The following RIT2 variants were observed in gnomAD, a reference collection of about 807,000 sequenced individuals.
RIT2 encodes GTP-binding protein Rit2.
RIT2 carries 24 observed loss-of-function variants against 23.7 expected under a neutral mutation model. The ratio of observed to expected loss-of-function variants is 1.01; its 90% confidence interval spans 0.73 to 1.43. RIT2 has a LOEUF of 1.43. RIT2 is among the 40% of genes most tolerant of loss of function. The pLI, the probability that RIT2 is intolerant of heterozygous loss-of-function variation, is 0.00. For synonymous variants in RIT2, 107 were observed against 91.1 expected (o/e 1.17, Z -0.99); for missense variants, 236 against 266.9 (o/e 0.88, Z 0.81).
chr18:42,813,015 C>T (rs562208487), intron 4 of RIT2, among the ~76,000 whole-genome samples: 1 of 152,150 alleles, frequency 6.6e-6, no homozygotes, highest in South Asian at 2.1e-4. Context: ...ATATTAGATC[C>T]TAAAGTTAGG....
At chr18:42,905,630 G>T (rs754588579) in intron 4 of RIT2, among the ~76,000 whole-genome samples, 20 of 152,032 alleles carry the variant, frequency 1.3e-4, no homozygotes, top group Non-Finnish European at 2.6e-4. Flanking sequence ...CCACCACCAT[G>T]CCTGGCTAAT....
intron 3 of RIT2, among the ~76,000 whole-genome samples, chr18:42,951,591 AG>A (rs1226974732): frequency 1.4e-5 from 2 of 145,106 alleles, no homozygotes; most frequent in African/African-American, 5.5e-5. Flanking sequence ...AAGTTAAAAA[AG>A]AAAAAAATAT....
chr18:42,832,492 A>G (rs1184975254), intron 4 of RIT2, among the ~76,000 whole-genome samples: 1 of 152,144 alleles, frequency 6.6e-6, no homozygotes, highest in African/African-American at 2.4e-5. Context: ...CACCTAGTAA[A>G]TAATTCTGTA....
At chr18:42,759,756 TACGG>T (rs1253033962) in intron 4 of RIT2, among the ~76,000 whole-genome samples, 12 of 95,564 alleles carry the variant, frequency 1.3e-4, no homozygotes, top group Admixed American at 9.4e-4. Context: ...CACACACACA[TACGG>T]ATATATATAT....
In RIT2 at chr18:42,840,433, G is replaced by A. The variant is rs1487411231; in HGVS notation, c.426+83139C>T. Among the ~76,000 whole-genome samples, 6 of 152,318 alleles carry A rather than the reference G, an allele frequency of 3.9e-5. No individual in the cohort carries two copies. The South Asian group carries it at 1.2e-3, about 32-fold the overall frequency. On this transcript the variant is annotated intron_variant, in intron 4 of 4. Coordinates refer to ENST00000326695, the MANE Select transcript of RIT2 (RefSeq NM_002930.4). Reference sequence around the variant, plus strand: ...TATGGCAATACTTACTGTATGCCAAGAACTTACTGTATGGCAATAGTTAGA... The same window carrying A: ...TATGGCAATACTTACTGTATGCCAAAAACTTACTGTATGGCAATAGTTAGA...
chr18:42,833,923 G>A (rs1202401701), intron 4 of RIT2, among the ~76,000 whole-genome samples: 1 of 152,110 alleles, frequency 6.6e-6, no homozygotes, highest in Admixed American at 6.6e-5. Flanking sequence ...TGTGAAGAGG[G>A]GAAGGGAGAA....
At chr18:42,840,664 G>C (rs745367785) in intron 4 of RIT2, among the ~76,000 whole-genome samples, 1 of 152,102 alleles carries the variant, frequency 6.6e-6, no homozygotes, top group African/African-American at 2.4e-5. Context: ...ACCATGCCTG[G>C]CTAATTTTGT....
At chr18:43,010,181 C>T (rs538451850) in intron 2 of RIT2, among the ~76,000 whole-genome samples, 1 of 151,944 alleles carries the variant, frequency 6.6e-6, no homozygotes, top group South Asian at 2.1e-4. Flanking sequence ...CCACAGTCTT[C>T]ATCCTCAGCC....
rs80045776 is a variant in RIT2, at chr18:43,044,052, A to T, written c.104-10185T>A. On this transcript the variant is annotated intron_variant, in intron 1 of 4. Transcript: ENST00000326695. ...CAAGCTGCTGAGCACGGAGAATAAGACTGAGATAACCACCAACCTGGAATG... is the reference window on the plus strand; with the variant it reads ...CAAGCTGCTGAGCACGGAGAATAAGTCTGAGATAACCACCAACCTGGAATG... Among the ~76,000 whole-genome samples, 686 of 152,294 alleles carry T rather than the reference A, an allele frequency of 4.5e-3. 6 individuals carry two copies. Among genetic ancestry groups the T allele is most frequent in the African/African-American group, 0.016 (656 of 41,562 alleles).
In RIT2 at chr18:43,033,845, A is replaced by T; in HGVS notation, c.126T>A (p.Ser42Arg). ...GGTCATGATAATCAGGGAACTGATG[A>T]CTAATAAACTGCATTGTCATTGCTG... ...GKSAMTMQFI[S>R]HQFPDYHDPT... The change falls in exon 2 of 5, where the codon AGT (serine) becomes AGA (arginine). Residue 42 changes from serine to arginine, a missense_variant. By Grantham distance (110) the Ser-to-Arg change is moderately radical. Coordinates refer to ENST00000326695, the MANE Select transcript of RIT2 (RefSeq NM_002930.4). 1 of 1,608,490 alleles carries T rather than the reference A, an allele frequency of 6.2e-7. No individual in the cohort carries two copies. The highest frequency in any genetic ancestry group is 8.5e-7 in the Non-Finnish European group (1 of 1,176,046).
intron 2 of RIT2, among the ~76,000 whole-genome samples, chr18:43,027,401 T>A (rs1271657591): frequency 6.6e-6 from 1 of 152,052 alleles, no homozygotes; most frequent in African/African-American, 2.4e-5. Context: ...AAGAAAATAT[T>A]GTTTTGAGCA....
intron 1 of RIT2, among the ~76,000 whole-genome samples, chr18:43,081,013 C>G (rs1913145705): frequency 6.6e-6 from 1 of 152,134 alleles, no homozygotes; most frequent in South Asian, 2.1e-4. Flanking sequence ...CTAAATGAAC[C>G]TGAAAGTTTC....
At chr18:43,098,520 CAGTCTT>C (rs1033321671) in intron 1 of RIT2, among the ~76,000 whole-genome samples, 61 of 152,008 alleles carry the variant, frequency 4.0e-4, no homozygotes, top group African/African-American at 1.5e-3. Context: ...AAAGTCATCT[CAGTCTT>C]AGAGAAAAAT....
At chr18:42,903,269 C>T (rs1598707656) in intron 4 of RIT2, among the ~76,000 whole-genome samples, 1 of 151,818 alleles carries the variant, frequency 6.6e-6, no homozygotes, top group African/African-American at 2.4e-5. Flanking sequence ...TAAGAGAAAA[C>T]AGGTTAATAG....
At chr18:42,933,520 T>C (rs1162129867) in intron 3 of RIT2, among the ~76,000 whole-genome samples, 1 of 152,154 alleles carries the variant, frequency 6.6e-6, no homozygotes, top group Non-Finnish European at 1.5e-5. Flanking sequence ...GGCGGTTACC[T>C]CCATGCTGTT....
intron 4 of RIT2, chr18:42,923,338 C>A (rs1464821981): frequency 2.0e-6 from 1 of 489,468 alleles, no homozygotes; most frequent in Non-Finnish European, 3.6e-6. Context: ...GTATACAATC[C>A]CAGATCCTAG....
intron 2 of RIT2, among the ~76,000 whole-genome samples, chr18:42,975,837 C>A (rs988872967): frequency 2.0e-5 from 3 of 151,998 alleles, no homozygotes; most frequent in African/African-American, 4.8e-5. Context: ...AGTGGGAGAT[C>A]TCCTATTCTG....
At chr18:42,841,453 A>G (rs183351402) in intron 4 of RIT2, among the ~76,000 whole-genome samples, 1 of 152,300 alleles carries the variant, frequency 6.6e-6, no homozygotes, top group East Asian at 1.9e-4. Context: ...GTGAAATTCA[A>G]TTTCTAGAAA....
intron 2 of RIT2, among the ~76,000 whole-genome samples, chr18:42,979,630 G>A (rs1044698319): frequency 2.6e-5 from 4 of 152,076 alleles, no homozygotes; most frequent in African/African-American, 4.8e-5. Flanking sequence ...ATCTTGCAAC[G>A]TACTGTGCTG....
Sources: gnomAD v4.1 joint callset for allele counts (sites outside exome capture counted in the v4.1 genomes callset) on GRCh38, gnomAD v4.1.1 for gene constraint, MANE v1.5 for transcripts, NCBI Gene and HGNC (gene_info 2026-07-23, HGNC 2026-07-21) for gene names.